HCST: variants seen among roughly 807,000 people sequenced by gnomAD.
The protein encoded by HCST is hematopoietic cell signal transducer.
Under a neutral mutation model 10.8 loss-of-function variants are expected in HCST, and 12 were observed. The observed-to-expected ratio is 1.12, with a 90% confidence interval of 0.72 to 1.81. HCST has a LOEUF of 1.81. Ranked by LOEUF, HCST falls within the 40% of genes most tolerant of loss-of-function variation. The pLI, the probability that HCST is intolerant of heterozygous loss-of-function variation, is 0.00. For missense variants in HCST, 102 were observed against 117.9 expected (o/e 0.87, Z 0.62); for synonymous variants, 59 against 51.6 (o/e 1.14, Z -0.61).
chr19:35,902,967 A>G, intron 1 of HCST: 1 of 436,592 alleles, frequency 2.3e-6, no homozygotes. Flanking sequence ...TCAGGACACT[A>G]CCTTTCCTTC....
chr19:35,903,505 T>G (rs1975634175), intron 2 of HCST, 89 bp downstream of exon 2: 1 of 1,228,290 alleles, frequency 8.1e-7, no homozygotes, highest in Non-Finnish European at 1.2e-6. Flanking sequence ...CGTCCCCAAA[T>G]CAGAGGATCC....
chr19:35,903,275 G>A, intron 1 of HCST, 76 bp from the exon 2 acceptor site: 2 of 1,326,754 alleles, frequency 1.5e-6, no homozygotes, highest in East Asian at 4.6e-5. Context: ...ACAGGCGTGA[G>A]CCACGGTGCC....
At chr19:35,903,582 C>A (rs544327720) in intron 2 of HCST, 166 bp downstream of exon 2, 461 of 1,018,946 alleles carry the variant, frequency 4.5e-4, no homozygotes, top group Non-Finnish European at 6.1e-4. Context: ...CGTGTGCCCG[C>A]CGCACAGCCC....
intron 3 of HCST, 39 bp downstream of exon 3, chr19:35,903,942 T>C: frequency 6.3e-7 from 1 of 1,594,126 alleles, no homozygotes; most frequent in Non-Finnish European, 8.5e-7. Context: ...AGGTGTATAG[T>C]GTCCCTAGGG....
In HCST at chr19:35,903,660, A is replaced by G; in HGVS notation, c.110-112A>G. 3.3e-6 allele frequency: 5 copies of G among 1,508,322 alleles called. No individual in the cohort carries two copies. The South Asian group carries it at 3.5e-5, about 11-fold the overall frequency. The allele number at this position is 1,508,322 out of a possible 1,614,324, so 93.4% of individuals were successfully genotyped here. ...GTTTCATTCCCCAAGCGCAACTCCAAGGAACCTGGGACCCGCCCCCTCGCA... is the reference window on the plus strand; with the variant it reads ...GTTTCATTCCCCAAGCGCAACTCCAGGGAACCTGGGACCCGCCCCCTCGCA... On this transcript the variant is annotated intron_variant, in intron 2 of 3. Transcript: ENST00000246551.
At chr19:35,903,675 GC>G in intron 2 of HCST, 96 bp from the exon 3 acceptor site, 1 of 1,560,616 alleles carries the variant, frequency 6.4e-7, no homozygotes, top group Non-Finnish European at 8.8e-7. Context: ...CCTGGGACCC[GC>G]CCCCTCGCAG....
intron 2 of HCST, 66 bp downstream of exon 2, chr19:35,903,482 C>G: frequency 1.5e-6 from 2 of 1,350,892 alleles, no homozygotes; most frequent in South Asian, 1.2e-5. Flanking sequence ...CTCCAGGTCA[C>G]CATCCCACCT....
At position 35,902,609 on chromosome 19, in the gene HCST, C is replaced by A; in HGVS notation, c.16C>A (p.His6Asn). 6.2e-7 allele frequency: 1 copy of A among 1,614,192 alleles called. No individual in the cohort carries two copies. The highest frequency in any genetic ancestry group is 8.5e-7 in the Non-Finnish European group (1 of 1,180,018). MIHLG[H>N]ILFLLLLPVA... The stretch of plus-strand genomic sequence containing the variant: ...CCAGTCCACCATGATCCATCTGGGT[C>A]ACATCCTCTTCCTGCTTTTGCTCCC... The change falls in exon 1 of 4, where the codon CAC becomes AAC. Residue 6 changes from histidine to asparagine, a missense_variant. Transcript: ENST00000246551.
chr19:35,903,911 C>T lies in HCST; in HGVS notation c.241+8C>T. The T allele has an allele frequency of 6.8e-6, 11 of 1,608,088 alleles. No individual in the cohort carries two copies. The highest frequency in any genetic ancestry group is 8.5e-6 in the Non-Finnish European group (10 of 1,178,030). On this transcript the variant is annotated splice_region_variant and intron_variant, in intron 3 of 3. Transcript: ENST00000246551. ...GCCGCAGCCCCGCCCAAGGTGAGGG[C>T]GGAGATGGGCGGGGCCTGGAAGGTG...
intron 3 of HCST, 37 bp from the exon 4 acceptor site, chr19:35,904,083 G>T: frequency 6.2e-7 from 1 of 1,613,196 alleles, no homozygotes; most frequent in Non-Finnish European, 8.5e-7. Flanking sequence ...GGAGATATGG[G>T]TGGTCAAGCT....
At chr19:35,903,141 C>T in intron 1 of HCST, 1 of 521,768 alleles carries the variant, frequency 1.9e-6, no homozygotes, top group Non-Finnish European at 3.5e-6. Context: ...CAGGTGTGAA[C>T]CAACACTTCC....
chr19:35,904,000 T>A, intron 3 of HCST, 97 bp downstream of exon 3: 1 of 1,582,590 alleles, frequency 6.3e-7, no homozygotes, highest in Admixed American at 1.8e-5. Flanking sequence ...GAGGAGGTGC[T>A]GGGGAAACCC....
chr19:35,903,226 A>C, intron 1 of HCST, 125 bp from the exon 2 acceptor site: 3 of 770,460 alleles, frequency 3.9e-6, no homozygotes, highest in Non-Finnish European at 6.8e-6. Flanking sequence ...CCTGGGCTCA[A>C]GCGATCTTCC....
At chr19:35,902,706 G>C (rs1975604468) in intron 1 of HCST, 70 bp downstream of exon 1, 1 of 1,491,910 alleles carries the variant, frequency 6.7e-7, no homozygotes, top group African/African-American at 1.4e-5. Flanking sequence ...GACGTCTGCA[G>C]GGACGGGTGA....
intron 2 of HCST, 119 bp from the exon 3 acceptor site, chr19:35,903,653 A>T: frequency 6.9e-7 from 1 of 1,441,582 alleles, no homozygotes; most frequent in Non-Finnish European, 9.6e-7. Context: ...CCCCAAGCGC[A>T]ACTCCAAGGA....
chr19:35,903,962 C>T (rs560842931), intron 3 of HCST, 59 bp downstream of exon 3: 1,150 of 1,577,652 alleles, frequency 7.3e-4, no homozygotes, highest in Non-Finnish European at 9.5e-4. Flanking sequence ...GAGGGGGTCC[C>T]AGGGAGGGGG....
intron 3 of HCST, 50 bp from the exon 4 acceptor site, chr19:35,904,070 A>G (rs752946415): frequency 6.2e-7 from 1 of 1,611,198 alleles, no homozygotes; most frequent in East Asian, 2.2e-5. Flanking sequence ...TCCCCAGGGA[A>G]GTGGAGATAT....
intron 1 of HCST, 123 bp downstream of exon 1, chr19:35,902,759 G>C (rs1975607301): frequency 4.0e-6 from 4 of 996,708 alleles, no homozygotes; most frequent in Non-Finnish European, 6.1e-6. Context: ...CCTTCTGGGA[G>C]ATCCATTCTG....
intron 2 of HCST, 161 bp downstream of exon 2, chr19:35,903,577 G>A (rs1363321245): frequency 3.0e-6 from 3 of 1,007,132 alleles, no homozygotes; most frequent in Non-Finnish European, 4.5e-6. Flanking sequence ...CACCCCGTGT[G>A]CCCGCCGCAC....
Sources: gnomAD v4.1 joint callset for allele counts on GRCh38, gnomAD v4.1.1 for gene constraint, MANE v1.5 for transcripts, NCBI Gene and HGNC (gene_info 2026-07-23, HGNC 2026-07-21) for gene names.